Variants in PTPN4 observed in about 807,000 individuals in gnomAD.
The protein encoded by PTPN4 is tyrosine-protein phosphatase non-receptor type 4.
In PTPN4, 49 loss-of-function variants were observed where a neutral mutation model predicts 135.5. The ratio of observed to expected loss-of-function variants is 0.36; its 90% CI spans 0.29 to 0.46. The LOEUF is 0.46. PTPN4 is among the 20% of genes least tolerant of loss of function. The probability of loss-of-function intolerance (pLI) is 1.00; values close to 1 mark genes in which losing one functional copy is unlikely to be tolerated. For synonymous variants in PTPN4, 333 were observed against 369.9 expected (o/e 0.90, Z 1.14); for missense variants, 860 against 1,101.0 (o/e 0.78, Z 3.10).
chr2:119,892,888 ATT>A lies in PTPN4; in HGVS notation c.675+7023_675+7024del, dbSNP rs35557598. ...AGGCATGTGTCACCATGCTGGTTGAATTTTTTTTTTTTTTTTTTAAGTGGAGA... is the reference window on the plus strand; with the variant it reads ...AGGCATGTGTCACCATGCTGGTTGAATTTTTTTTTTTTTTTTAAGTGGAGA... On this transcript the variant is annotated intron_variant, in intron 9 of 26. Coordinates refer to ENST00000263708, the MANE Select transcript of PTPN4 (RefSeq NM_002830.4). 6.8e-3 allele frequency among the ~76,000 whole-genome samples: 951 copies of A among 140,022 alleles called. 11 individuals carry two copies. The highest frequency in any genetic ancestry group is 0.019 in the African/African-American group (727 of 37,916). The allele number at this position is 140,022 out of a possible 152,430, so 91.9% of individuals were successfully genotyped here. A position where few individuals can be genotyped will look rare whatever the true frequency, so the allele number is the denominator to read the frequency against.
chr2:119,905,879 A>C (rs1678480737), intron 10 of PTPN4, among the ~76,000 whole-genome samples: 1 of 152,188 alleles, frequency 6.6e-6, no homozygotes. Flanking sequence ...TCAATGAAGA[A>C]ATTAAGGCAG....
chr2:119,826,246 T>C (rs971792449), intron 2 of PTPN4, among the ~76,000 whole-genome samples: 1 of 152,216 alleles, frequency 6.6e-6, no homozygotes, highest in South Asian at 2.1e-4. Context: ...ATATACCAAG[T>C]GAGACAGAAT....
chr2:119,822,748 C>G lies in PTPN4; in HGVS notation c.138+12757C>G, dbSNP rs371860834. Among the ~76,000 whole-genome samples the G allele has an allele frequency of 7.9e-5, 12 of 151,668 alleles. No individual in the cohort carries two copies. In the South Asian group the frequency reaches 8.3e-4, roughly 11 times the overall value. Reference sequence around the variant, plus strand: ...TAGTACATTCCTTCTTTTTTTTTCCCCCTCAAATTAGTGGGCTTTCAGGAA... The same window carrying G: ...TAGTACATTCCTTCTTTTTTTTTCCGCCTCAAATTAGTGGGCTTTCAGGAA... On this transcript the variant is annotated intron_variant, in intron 2 of 26. Coordinates refer to ENST00000263708, the MANE Select transcript of PTPN4 (RefSeq NM_002830.4).
At chr2:119,799,559 A>G (rs1421776479) in intron 1 of PTPN4, among the ~76,000 whole-genome samples, 1 of 152,210 alleles carries the variant, frequency 6.6e-6, no homozygotes, top group African/African-American at 2.4e-5. Flanking sequence ...GTATCTGGCT[A>G]TAAGTCTGCC....
intron 2 of PTPN4, among the ~76,000 whole-genome samples, chr2:119,844,516 G>C (rs1677452897): frequency 6.8e-6 from 1 of 147,776 alleles, no homozygotes; most frequent in South Asian, 2.2e-4. Context: ...GCCGGGCAGA[G>C]GGTCTCCTCA....
chr2:119,765,938 G>GCA (rs1690608300), intron 1 of PTPN4, among the ~76,000 whole-genome samples: 1 of 151,938 alleles, frequency 6.6e-6, no homozygotes, highest in Admixed American at 6.6e-5. Flanking sequence ...GTGTGTGCGC[G>GCA]CGCGCATGTG....
At chr2:119,924,136 CAAAAAAAAAAAA>C (rs35572826) in intron 12 of PTPN4, among the ~76,000 whole-genome samples, 1 of 77,274 alleles carries the variant, frequency 1.3e-5, no homozygotes, top group South Asian at 4.6e-4. Flanking sequence ...GACTCCGTCT[CAAAAAAAAAAAA>C]AAAAAAAAGC....
At position 119,976,566 on chromosome 2, in the gene PTPN4, A is replaced by G. The variant is rs550909359; in HGVS notation, c.2695-418A>G. On this transcript the variant is annotated intron_variant, in intron 26 of 26. Transcript: ENST00000263708. ...CCTGGTCCCTGTTGATGGCAATTAA[A>G]TTGTTTCCACCTTTTCTGTTATAAA... Among the ~76,000 whole-genome samples, 3 of 152,294 alleles carry G rather than the reference A, an allele frequency of 2.0e-5. No homozygotes were observed. The South Asian group carries it at 6.2e-4, about 32-fold the overall frequency.
At position 119,957,050 on chromosome 2, in the gene PTPN4, A is replaced by C; in HGVS notation, c.2106A>C (p.Glu702Asp). ...DATRVILKGN[E>D]DYINANYINM... ...CACGGGTCATTTTAAAAGGTAATGAAGACTACATCAATGCGAACTATATAA... is the reference window on the plus strand; with the variant it reads ...CACGGGTCATTTTAAAAGGTAATGACGACTACATCAATGCGAACTATATAA... Residue 702 changes from glutamate (E) to aspartate (D), a missense_variant, in exon 22 of 27, where the codon GAA (glutamate) becomes GAC (aspartate). Glu to Asp is a conservative substitution (Grantham distance 45, BLOSUM62 2). Transcript: ENST00000263708. The C allele has an allele frequency of 6.2e-7, 1 of 1,610,478 alleles. No individual in the cohort carries two copies. Among genetic ancestry groups the C allele is most frequent in the Non-Finnish European group, 8.5e-7 (1 of 1,178,600 alleles).
Position 119,977,153 on chromosome 2 carries a change from G to A in PTPN4, c.*83G>A. 2 of 1,366,096 alleles carry A rather than the reference G, an allele frequency of 1.5e-6. No homozygotes were observed. The highest frequency in any genetic ancestry group is 2.0e-5 in the South Asian group (1 of 49,982). The allele number at this position is 1,366,096 out of a possible 1,614,324, so 84.6% of individuals were successfully genotyped here. On this transcript the variant is annotated 3_prime_UTR_variant, in exon 27 of 27. Transcript: ENST00000263708. ...GCCATAATGCTGCTCGCAGGAAATG[G>A]CATTTTACAAAAAAAAAATGAAGAA...
intron 2 of PTPN4, among the ~76,000 whole-genome samples, chr2:119,844,657 C>T (rs898929319): frequency 2.3e-4 from 35 of 149,224 alleles, no homozygotes; most frequent in African/African-American, 6.8e-4. Context: ...AGAGGATGGG[C>T]GGCCGGGCAG....
intron 2 of PTPN4, among the ~76,000 whole-genome samples, chr2:119,845,996 C>G (rs2104975371): frequency 6.6e-6 from 1 of 152,222 alleles, no homozygotes; most frequent in East Asian, 1.9e-4. Flanking sequence ...TGTGAATTTT[C>G]CAAATTTCTT....
chr2:119,855,751 A>G (rs1314161445), intron 2 of PTPN4, among the ~76,000 whole-genome samples: 1 of 152,146 alleles, frequency 6.6e-6, no homozygotes, highest in Non-Finnish European at 1.5e-5. Context: ...GCATCATACA[A>G]GGGTCTGGAA....
intron 1 of PTPN4, among the ~76,000 whole-genome samples, chr2:119,807,997 C>G (rs1275547979): frequency 1.3e-5 from 2 of 152,196 alleles, no homozygotes; most frequent in Non-Finnish European, 1.5e-5. Flanking sequence ...TCAATAGATG[C>G]AGAAAAGGCC....
At chr2:119,860,774 C>T (rs902064917) in intron 2 of PTPN4, among the ~76,000 whole-genome samples, 5 of 152,096 alleles carry the variant, frequency 3.3e-5, no homozygotes, top group Non-Finnish European at 7.4e-5. Context: ...GGCGCGGTGG[C>T]TCACATCTGT....
In PTPN4 at chr2:119,923,865, C is replaced by T. The variant is rs528351304; in HGVS notation, c.1002-2733C>T. 1.2e-4 allele frequency among the ~76,000 whole-genome samples: 19 copies of T among 152,108 alleles called. No individual in the cohort carries two copies. The South Asian group carries it at 1.5e-3, about 12-fold the overall frequency. The stretch of plus-strand genomic sequence containing the variant: ...AACTTTAAAAAAATGAGGCTGGGCA[C>T]GGTGGCTCACGCCTGTAATCCCAGC... On this transcript the variant is annotated intron_variant, in intron 12 of 26. Coordinates refer to ENST00000263708, the MANE Select transcript of PTPN4 (RefSeq NM_002830.4).
intron 15 of PTPN4, among the ~76,000 whole-genome samples, chr2:119,936,666 A>G (rs1037599675): frequency 3.9e-5 from 6 of 152,136 alleles, no homozygotes; most frequent in Non-Finnish European, 8.8e-5. Context: ...AGTCTCAGGT[A>G]TTTCTTCATA....
intron 9 of PTPN4, among the ~76,000 whole-genome samples, chr2:119,888,742 C>T (rs1250198039): frequency 6.6e-6 from 1 of 152,060 alleles, no homozygotes; most frequent in Non-Finnish European, 1.5e-5. Context: ...GTACTTTGTT[C>T]AAGATGTTGG....
intron 5 of PTPN4, among the ~76,000 whole-genome samples, chr2:119,880,491 G>A (rs1462837150): frequency 6.6e-5 from 10 of 151,298 alleles, no homozygotes; most frequent in Admixed American, 6.6e-5. Context: ...GTGCAGTGGC[G>A]CGATCTCGGC....
Sources: gnomAD v4.1 joint callset for allele counts (sites outside exome capture counted in the v4.1 genomes callset) on GRCh38, gnomAD v4.1.1 for gene constraint, MANE v1.5 for transcripts, NCBI Gene and HGNC (gene_info 2026-07-23, HGNC 2026-07-21) for gene names.